Variants in SPINT2 observed in about 807,000 individuals in gnomAD.
SPINT2 encodes kunitz-type protease inhibitor 2.
Under a neutral mutation model 30.1 loss-of-function variants are expected in SPINT2, and 18 were observed. The observed-to-expected ratio is 0.60, with a 90% CI of 0.41 to 0.89. SPINT2 has a LOEUF of 0.89. Among genes scored for constraint, SPINT2 ranks in the 40% least tolerant of loss-of-function variants. The probability of loss-of-function intolerance (pLI) is 0.00; values close to 1 mark genes in which losing one functional copy is unlikely to be tolerated. For synonymous variants in SPINT2, 139 were observed against 137.9 expected (o/e 1.01, Z -0.05); for missense variants, 276 against 334.3 (o/e 0.83, Z 1.36).
At chr19:38,286,824 GTGTTT>G (rs1203769624) in intron 2 of SPINT2, among the ~76,000 whole-genome samples, 1 of 152,034 alleles carries the variant, frequency 6.6e-6, no homozygotes, top group African/African-American at 2.4e-5. Flanking sequence ...AAAAAGTGTC[GTGTTT>G]TGTTTTGTTT....
chr19:38,279,344 C>T (rs910979874), intron 1 of SPINT2, among the ~76,000 whole-genome samples: 17 of 151,818 alleles, frequency 1.1e-4, no homozygotes, highest in African/African-American at 2.7e-4. Flanking sequence ...CCTAAAAATA[C>T]GAAATTAGCT....
intron 1 of SPINT2, among the ~76,000 whole-genome samples, chr19:38,275,038 T>C (rs1968500142): frequency 6.6e-6 from 1 of 152,034 alleles, no homozygotes; most frequent in Non-Finnish European, 1.5e-5. Context: ...TTTGTGACAT[T>C]GAAAGAGCAA....
chr19:38,289,258 G>A, intron 4 of SPINT2, 67 bp downstream of exon 4: 1 of 1,391,352 alleles, frequency 7.2e-7, no homozygotes, highest in African/African-American at 1.4e-5. Context: ...GGAGGCTGAG[G>A]TGGGCGGATC....
rs1469506398 is a variant in SPINT2 at position 38,290,755 on chromosome 19, G to T, written c.592+180G>T. On this transcript the variant is annotated intron_variant, in intron 6 of 6. Transcript: ENST00000301244. The surrounding 1 kb of genome is among the most constrained non-coding windows in gnomAD (Gnocchi z 4.3). ...TTTGTCCCACCGTTCAGTGTACACA[G>T]TTGGGGCTGGAGTGAGTCAGTCACA... The T allele has an allele frequency of 2.2e-6, 2 of 890,616 alleles. No individual in the cohort carries two copies. Among genetic ancestry groups the T allele is most frequent in the East Asian group, 5.3e-5 (2 of 37,562 alleles). The allele number at this position is 890,616 out of a possible 1,614,324, so 55.2% of individuals were successfully genotyped here. A position where few individuals can be genotyped will look rare whatever the true frequency, so the allele number is the denominator to read the frequency against.
At position 38,287,204 on chromosome 19, in the gene SPINT2, T is replaced by C. The variant is rs60151661; in HGVS notation, c.278-672T>C. 2.9e-3 allele frequency among the ~76,000 whole-genome samples: 443 copies of C among 152,208 alleles called. 4 individuals are homozygous for C. Among genetic ancestry groups the C allele is most frequent in the African/African-American group, 0.01 (428 of 41,534 alleles). On this transcript the variant is annotated intron_variant, in intron 2 of 6. Coordinates refer to ENST00000301244, the MANE Select transcript of SPINT2 (RefSeq NM_021102.4). ...ACGCCTGGCTAACTTTTTGGGTTTT[T>C]TTGTTTGTTTTTTGAGACGGAGTCT...
chr19:38,266,503 C>T (rs1040731532), intron 1 of SPINT2, among the ~76,000 whole-genome samples: 19 of 152,046 alleles, frequency 1.2e-4, no homozygotes, highest in African/African-American at 4.3e-4. Context: ...TGATGAAACC[C>T]CGTCTCTACC....
At chr19:38,270,582 A>G (rs1434348732) in intron 1 of SPINT2, among the ~76,000 whole-genome samples, 1 of 152,142 alleles carries the variant, frequency 6.6e-6, no homozygotes, top group East Asian at 1.9e-4. Context: ...CTGAGGTTCA[A>G]ATGGTTGCAG....
intron 1 of SPINT2, among the ~76,000 whole-genome samples, chr19:38,281,865 A>AC (rs1968585081): frequency 6.6e-6 from 1 of 151,456 alleles, no homozygotes; most frequent in East Asian, 1.9e-4. Context: ...CCCCATTCCC[A>AC]CCCCCAGTAC....
chr19:38,266,240 G>C (rs747213010), intron 1 of SPINT2, among the ~76,000 whole-genome samples: 3 of 152,190 alleles, frequency 2.0e-5, no homozygotes, highest in Non-Finnish European at 4.4e-5. Flanking sequence ...TGGGAGGTGG[G>C]AGAGGTTGGC....
At chr19:38,280,673 G>A (rs189176575) in intron 1 of SPINT2, among the ~76,000 whole-genome samples, 10 of 152,200 alleles carry the variant, frequency 6.6e-5, no homozygotes, top group Admixed American at 4.6e-4. Flanking sequence ...CACATGCCAC[G>A]TGTACCTGGC....
chr19:38,284,556 ACTC>A (rs1222791791), intron 2 of SPINT2, among the ~76,000 whole-genome samples: 1 of 151,976 alleles, frequency 6.6e-6, no homozygotes, highest in Non-Finnish European at 1.5e-5. Context: ...GCAGACCCTC[ACTC>A]CTCCTCTTCC....
chr19:38,266,390 A>AG (rs1269322565), intron 1 of SPINT2, among the ~76,000 whole-genome samples: 1 of 151,812 alleles, frequency 6.6e-6, no homozygotes, highest in Non-Finnish European at 1.5e-5. Flanking sequence ...AAAAAAAAAA[A>AG]GAAGGCCGGG....
chr19:38,282,640 G>A (rs1480132466), intron 1 of SPINT2, among the ~76,000 whole-genome samples: 1 of 152,164 alleles, frequency 6.6e-6, no homozygotes, highest in African/African-American at 2.4e-5. Flanking sequence ...ACTAAAGTAG[G>A]GCCAGATTTG....
At chr19:38,265,046 C>G in intron 1 of SPINT2, 48 bp downstream of exon 1, 1 of 1,381,790 alleles carries the variant, frequency 7.2e-7, no homozygotes, top group Non-Finnish European at 9.6e-7. Flanking sequence ...GGGGCAGAGG[C>G]TCGGGGGTCA....
intron 1 of SPINT2, among the ~76,000 whole-genome samples, chr19:38,275,733 A>ATTT (rs200809145): frequency 3.1e-4 from 39 of 125,784 alleles, no homozygotes; most frequent in East Asian, 2.2e-3. Flanking sequence ...TGACAAAAAA[A>ATTT]TTTTTTTTTT....
intron 1 of SPINT2, among the ~76,000 whole-genome samples, chr19:38,279,934 G>T (rs192801952): frequency 6.6e-6 from 1 of 152,204 alleles, no homozygotes; most frequent in South Asian, 2.1e-4. Context: ...GATTACAGGC[G>T]TGAGCCACCA....
chr19:38,283,637 G>A lies in SPINT2; in HGVS notation c.117G>A (p.Leu39=). 1 of 1,614,034 alleles carries A rather than the reference G, an allele frequency of 6.2e-7. No individual in the cohort carries two copies. Among genetic ancestry groups the A allele is most frequent in the Non-Finnish European group, 8.5e-7 (1 of 1,180,010 alleles). The part of the protein sequence containing the change: ...DRERSIHDFC[L]VSKVVGRCRA... ...TGCTTCGCGTTTCAGACTTCTGCCT[G>A]GTGTCGAAGGTGGTGGGCAGATGCC... Residue 39 remains leucine (L), a synonymous_variant, in exon 2 of 7, where the codon CTG becomes CTA. Coordinates refer to ENST00000301244, the MANE Select transcript of SPINT2 (RefSeq NM_021102.4).
In SPINT2 at chr19:38,291,821, G is replaced by T; in HGVS notation, c.593-19G>T. ...CTCCCCTTGCCTGGCCCGTCCTGAG[G>T]CCCCTCTCTCGTCCTCAGTGGTGGT... On this transcript the variant is annotated intron_variant, in intron 6 of 6. Coordinates refer to ENST00000301244, the MANE Select transcript of SPINT2 (RefSeq NM_021102.4). 1.2e-6 allele frequency: 2 copies of T among 1,611,474 alleles called. No homozygotes were observed. Among genetic ancestry groups the T allele is most frequent in the Non-Finnish European group, 1.7e-6 (2 of 1,179,592 alleles).
chr19:38,280,780 C>T (rs921135789), intron 1 of SPINT2, among the ~76,000 whole-genome samples: 5 of 152,130 alleles, frequency 3.3e-5, no homozygotes, highest in African/African-American at 9.7e-5. Context: ...GCCTGGGCGC[C>T]GGGTGTTGTT....
Sources: gnomAD v4.1 joint callset for allele counts (sites outside exome capture counted in the v4.1 genomes callset) on GRCh38, gnomAD v4.1.1 for gene constraint, Gnocchi (gnomAD v3.1) non-coding constraint, MANE v1.5 for transcripts, NCBI Gene and HGNC (gene_info 2026-07-23, HGNC 2026-07-21) for gene names.